The following HERC1 variants were observed in gnomAD, a reference collection of about 807,000 sequenced individuals.
The protein encoded by HERC1 is HECT and RLD domain containing E3 ubiquitin protein ligase family member 1, also known as probable E3 ubiquitin-protein ligase HERC1.
A neutral mutation model predicts 554.3 loss-of-function variants in HERC1; 160 were observed. The ratio of observed to expected loss-of-function variants is 0.29; its 90% CI spans 0.25 to 0.33. HERC1 has a LOEUF of 0.33. Among genes scored for constraint, HERC1 ranks in the 10% least tolerant of loss-of-function variants. The pLI, the probability that HERC1 is intolerant of heterozygous loss-of-function variation, is 1.00. For missense variants in HERC1, 4,919 were observed against 5,918.5 expected, an observed-to-expected ratio of 0.83 and a Z score of 5.54; for synonymous variants, 2,175 against 2,131.7, an observed-to-expected ratio of 1.02 and a Z score of -0.56.
Position 63,727,968 on chromosome 15 carries a change from C to G in HERC1, c.3155-130G>C. The G allele has an allele frequency of 3.1e-6, 2 of 651,186 alleles. No homozygotes were observed. Among genetic ancestry groups the G allele is most frequent in the Non-Finnish European group, 5.2e-6 (2 of 381,012 alleles). The allele number at this position is 651,186 out of a possible 1,614,324, so 40.3% of individuals were successfully genotyped here. On this transcript the variant is annotated intron_variant, in intron 16 of 77. Transcript: ENST00000443617. This position sits in a 1 kb window ranked among gnomAD's most constrained non-coding sequence, Gnocchi z 4.3. ...CAACAACTCTCTGTTGAACACCTAC[C>G]TGGTAGCTGATGTAGTATCAGTGTT...
intron 12 of HERC1, among the ~76,000 whole-genome samples, chr15:63,741,249 G>A (rs1458617500): frequency 4.0e-5 from 6 of 151,274 alleles, no homozygotes; most frequent in Non-Finnish European, 8.8e-5. Flanking sequence ...GGCTGGTCTC[G>A]AACTCCTGAC....
chr15:63,753,623 T>C lies in HERC1; in HGVS notation c.1775-538A>G, dbSNP rs975435381. 7.9e-5 allele frequency among the ~76,000 whole-genome samples: 12 copies of C among 152,264 alleles called. No individual in the cohort carries two copies. The East Asian group carries it at 1.3e-3, about 17-fold the overall frequency. ...AAATTAAATGATACCATTTTCACTA[T>C]TGAAATTATTTAATTAAATTTAATA... On this transcript the variant is annotated intron_variant, in intron 7 of 77. Transcript: ENST00000443617.
chr15:63,727,553 G>C lies in HERC1; in HGVS notation c.3346+94C>G, dbSNP rs2074090478. 2 of 833,098 alleles carry C rather than the reference G, an allele frequency of 2.4e-6. No homozygotes were observed. Among genetic ancestry groups the C allele is most frequent in the South Asian group, 1.9e-5 (1 of 52,188 alleles). 51.6% of individuals were successfully genotyped at this position (833,098 alleles called of 1,614,324 possible). Reference sequence around the variant, plus strand: ...GATGAAATTCCTTTGATAGCCTTAGGATAGATAGACTCCAATGGAAAAACA... The same window carrying C: ...GATGAAATTCCTTTGATAGCCTTAGCATAGATAGACTCCAATGGAAAAACA... On this transcript the variant is annotated intron_variant, in intron 17 of 77. Coordinates refer to ENST00000443617, the MANE Select transcript of HERC1 (RefSeq NM_003922.4). This position sits in a 1 kb window ranked among gnomAD's most constrained non-coding sequence, Gnocchi z 4.3.
In HERC1 at chr15:63,680,121, A is replaced by G. The variant is rs1318538363; in HGVS notation, c.6505T>C (p.Leu2169=). The change falls in exon 36 of 78, where the codon TTG becomes CTG. Residue 2169 remains leucine, a synonymous_variant. Coordinates refer to ENST00000443617, the MANE Select transcript of HERC1 (RefSeq NM_003922.4). The surrounding 1 kb of genome is among the most constrained non-coding windows in gnomAD (Gnocchi z 5.8). The part of the protein sequence containing the change: ...LAFEDVDAAE[L]YPCVMFYSSN... ...CTATAGAACATCACACATGGGTACA[A>G]CTCTGCTGCATCCACATCTTCAAAA... 21 of 1,613,482 alleles carry G rather than the reference A, an allele frequency of 1.3e-5. No homozygotes were observed. In the South Asian group the frequency reaches 2.2e-4, roughly 17 times the overall value.
At chr15:63,705,349 C>T (rs1038514367) in intron 25 of HERC1, among the ~76,000 whole-genome samples, 1 of 151,798 alleles carries the variant, frequency 6.6e-6, no homozygotes, top group African/African-American at 2.4e-5. Context: ...AGACAGGGGT[C>T]TCACTATGTT....
rs769071870 is a variant in HERC1, at chr15:63,640,173, C to T, written c.11880G>A (p.Glu3960=). 1 of 1,613,858 alleles carries T rather than the reference C, an allele frequency of 6.2e-7. No individual in the cohort carries two copies. Among genetic ancestry groups the T allele is most frequent in the South Asian group, 1.1e-5 (1 of 91,078 alleles). ...TTACCATTAGAAATACAAGTTCATC[C>T]TCTGGAACAGGTTCTAGATCTGGAA... is the stretch of plus-strand genomic sequence containing the variant. The part of the protein sequence containing the change: ...FTVPDLEPVP[E]DELVFLMDNS... The change falls in exon 61 of 78, where the codon GAG becomes GAA. Residue 3960 remains glutamate (E), a synonymous_variant. Transcript: ENST00000443617.
In HERC1 at chr15:63,755,338, CAAGTA is replaced by C; in HGVS notation, c.1534-18_1534-14del. ...CACAAACAACTACCTGCATTGCACA[CAAGTA>C]AATACGATGAGTATGCACATGTTAA... On this transcript the variant is annotated splice_polypyrimidine_tract_variant and intron_variant, in intron 5 of 77. Coordinates refer to ENST00000443617, the MANE Select transcript of HERC1 (RefSeq NM_003922.4). The C allele has an allele frequency of 6.3e-7, 1 of 1,587,890 alleles. No individual in the cohort carries two copies. The highest frequency in any genetic ancestry group is 8.6e-7 in the Non-Finnish European group (1 of 1,156,270).
At chr15:63,640,127 T>G (rs1180195079) in intron 61 of HERC1, 25 bp downstream of exon 61, 1 of 1,605,774 alleles carries the variant, frequency 6.2e-7, no homozygotes, top group African/African-American at 1.3e-5. Context: ...CAGCTGCAAA[T>G]AATAGCAGCT....
At chr15:63,809,521 A>G (rs977527496) in intron 1 of HERC1, among the ~76,000 whole-genome samples, 2 of 151,960 alleles carry the variant, frequency 1.3e-5, no homozygotes, top group African/African-American at 2.4e-5. Context: ...GGAGCTGTGG[A>G]TAACACTAAG....
At chr15:63,649,414 C>CT (rs2069554349) in intron 54 of HERC1, among the ~76,000 whole-genome samples, 1 of 152,106 alleles carries the variant, frequency 6.6e-6, no homozygotes, top group African/African-American at 2.4e-5. Context: ...TGATTATGAC[C>CT]TTTTTTTCTC....
rs763038691 is a variant in HERC1 at position 63,732,959 on chromosome 15, T to A, written c.2833A>T (p.Met945Leu). 6.2e-7 allele frequency: 1 copy of A among 1,613,848 alleles called. No individual in the cohort carries two copies. ...HPDTHLAEIL[M>L]KTLLRNLGFY... The stretch of plus-strand genomic sequence containing the variant: ...CCTAAATTTCTTAAGAGGGTCTTCA[T>A]CAAAATTTCAGCCAGGTGGGTATCT... The change falls in exon 14 of 78, where the codon ATG (methionine) becomes TTG (leucine). Residue 945 changes from methionine (M) to leucine (L), a missense_variant. Physicochemically the swap from Met to Leu is conservative, Grantham distance 15. Coordinates refer to ENST00000443617, the MANE Select transcript of HERC1 (RefSeq NM_003922.4).
intron 25 of HERC1, 65 bp from the exon 26 acceptor site, chr15:63,699,061 A>AT: frequency 1.4e-6 from 2 of 1,426,200 alleles, no homozygotes; most frequent in Non-Finnish European, 1.9e-6. Context: ...CTGAAACTAG[A>AT]TAAGGCTGAG....
At position 63,696,115 on chromosome 15, in the gene HERC1, G is replaced by A. The variant is rs2072399563; in HGVS notation, c.5121+9C>T. On this transcript the variant is annotated intron_variant, in intron 27 of 77. Coordinates refer to ENST00000443617, the MANE Select transcript of HERC1 (RefSeq NM_003922.4). ...TTAAAATCTGTATATACTGCAAGGT[G>A]TCACCTACCTGATAGTGATGCAATC... The A allele has an allele frequency of 6.3e-7, 1 of 1,592,132 alleles. No individual in the cohort carries two copies. Among genetic ancestry groups the A allele is most frequent in the Admixed American group, 1.7e-5 (1 of 59,562 alleles).
At chr15:63,811,098 T>C (rs2077292984) in intron 1 of HERC1, among the ~76,000 whole-genome samples, 1 of 152,222 alleles carries the variant, frequency 6.6e-6, no homozygotes, top group African/African-American at 2.4e-5. Context: ...TGAATGTGAT[T>C]GGATCCTGGA....
intron 41 of HERC1, 69 bp downstream of exon 41, chr15:63,666,287 G>T: frequency 7.1e-7 from 1 of 1,399,222 alleles, no homozygotes; most frequent in Non-Finnish European, 1.0e-6. Flanking sequence ...CCTCTTAAAA[G>T]TTATGTTGTC....
At chr15:63,632,533 T>C in intron 68 of HERC1, 176 bp downstream of exon 68, 1 of 682,114 alleles carries the variant, frequency 1.5e-6, no homozygotes, top group Admixed American at 2.1e-5. Flanking sequence ...GAGTTTGTCT[T>C]TATAATAAAG....
Position 63,633,875 on chromosome 15 carries a change from T to C in HERC1, c.12666A>G (p.Gly4222=). ...GDGDYGKLGL[G]NSTAKSSPQK... ...GAGGTGAAGATTTTGCAGTGGAATT[T>C]CCTAAGCCTAGTTTTCCATAGTCTC... The change falls in exon 67 of 78, where the codon GGA becomes GGG. Residue 4222 remains glycine (G), a synonymous_variant. Transcript: ENST00000443617. 1 of 1,613,468 alleles carries C rather than the reference T, an allele frequency of 6.2e-7. No individual in the cohort carries two copies. Among genetic ancestry groups the C allele is most frequent in the South Asian group, 1.1e-5 (1 of 90,916 alleles).
intron 57 of HERC1, 107 bp downstream of exon 57, chr15:63,644,885 G>T: frequency 1.3e-6 from 1 of 753,204 alleles, no homozygotes; most frequent in Non-Finnish European, 2.3e-6. Context: ...AATGGATCTT[G>T]CCCTTTGGGA....
Position 63,716,469 on chromosome 15 carries a change from G to T in HERC1, c.3983C>A (p.Ser1328Ter). ...TRSSSRDRWI[S>*]ENQDSADVDP... ...AACATCTGCAGAGTCCTGGTTTTCTGATATCTTAAAGAAATTATCAGAAAC... is the reference window on the plus strand; with the variant it reads ...AACATCTGCAGAGTCCTGGTTTTCTTATATCTTAAAGAAATTATCAGAAAC... The change falls in exon 22 of 78, where the codon TCA becomes TAA. Residue 1328 changes from serine (S) to a stop codon, truncating the protein, a stop_gained. Transcript: ENST00000443617. LOFTEE classifies it high-confidence loss of function. 6.3e-7 allele frequency: 1 copy of T among 1,589,668 alleles called. No individual in the cohort carries two copies. The highest frequency in any genetic ancestry group is 8.5e-7 in the Non-Finnish European group (1 of 1,171,080).
Sources: allele counts gnomAD v4.1 joint callset (sites outside exome capture counted in the v4.1 genomes callset), GRCh38; gene constraint gnomAD v4.1.1; non-coding constraint Gnocchi (gnomAD v3.1); transcripts MANE v1.5; gene names NCBI Gene and HGNC (gene_info 2026-07-23, HGNC 2026-07-21).